Variants in SSBP2 observed in about 807,000 individuals in gnomAD.
SSBP2 encodes single-stranded DNA-binding protein 2.
A neutral mutation model predicts 61.8 loss-of-function variants in SSBP2; 17 were observed. The observed-to-expected ratio is 0.28, with a 90% CI of 0.19 to 0.41. The LOEUF (loss-of-function observed/expected upper bound fraction) is 0.41. Ranked by LOEUF, SSBP2 falls within the 10% of genes least tolerant of loss-of-function variation. The probability of loss-of-function intolerance (pLI) is 1.00; values close to 1 mark genes in which losing one functional copy is unlikely to be tolerated. For synonymous variants in SSBP2, 139 were observed against 141.3 expected, an observed-to-expected ratio of 0.98 and a Z score of 0.12; for missense variants, 310 against 458.7, an observed-to-expected ratio of 0.68 and a Z score of 2.96.
rs1363636124 is a variant in SSBP2 at position 81,721,146 on chromosome 5, T to C, written c.62+29835A>G. Among the ~76,000 whole-genome samples, 4 of 152,260 alleles carry C rather than the reference T, an allele frequency of 2.6e-5. No individual in the cohort carries two copies. In the South Asian group the frequency reaches 8.3e-4, roughly 32 times the overall value. On this transcript the variant is annotated intron_variant, in intron 1 of 16. Transcript: ENST00000320672. ...CTGTCAACTGTTAATCAAGTCTGGA[T>C]GGATACCATAAAAAATATAAACCTA...
intron 4 of SSBP2, among the ~76,000 whole-genome samples, chr5:81,587,179 G>A (rs1581098321): frequency 6.6e-6 from 1 of 152,054 alleles, no homozygotes; most frequent in Non-Finnish European, 1.5e-5. Context: ...GCAAATCACT[G>A]AATCAGGGTG....
intron 3 of SSBP2, among the ~76,000 whole-genome samples, chr5:81,631,857 TG>T (rs945604362): frequency 5.3e-4 from 80 of 152,284 alleles, no homozygotes; most frequent in African/African-American, 1.9e-3. Flanking sequence ...ATTTTACAGA[TG>T]GTAAAACTGA....
intron 1 of SSBP2, among the ~76,000 whole-genome samples, chr5:81,738,135 T>C (rs1031116323): frequency 1.3e-5 from 2 of 152,168 alleles, no homozygotes; most frequent in Admixed American, 1.3e-4. Context: ...CAAGCAAAAC[T>C]GATCTATGCT....
At chr5:81,711,652 GATA>G (rs149771598) in intron 1 of SSBP2, among the ~76,000 whole-genome samples, 12,793 of 151,254 alleles carry the variant, frequency 0.085, 594 homozygotes, top group Middle Eastern at 0.19. Flanking sequence ...AGCCTAAAGA[GATA>G]ATAAATTGTA....
chr5:81,445,830 AAGTAATAACTGAT>A (rs1763367991), intron 12 of SSBP2, among the ~76,000 whole-genome samples: 1 of 152,142 alleles, frequency 6.6e-6, no homozygotes. Flanking sequence ...AATCATCCCA[AAGTAATAACTGAT>A]AGAGTTTTAG....
chr5:81,493,477 C>T (rs959915015), intron 5 of SSBP2, among the ~76,000 whole-genome samples: 1 of 151,916 alleles, frequency 6.6e-6, no homozygotes, highest in Non-Finnish European at 1.5e-5. Context: ...AATTGCAGGC[C>T]GGACGTGGTG....
At chr5:81,750,396 C>G (rs1757665685) in intron 1 of SSBP2, among the ~76,000 whole-genome samples, 1 of 146,232 alleles carries the variant, frequency 6.8e-6, no homozygotes, top group Admixed American at 6.8e-5. Context: ...CCCGCTCGGC[C>G]GCTCCACGCC....
At chr5:81,718,872 A>G (rs1755355409) in intron 1 of SSBP2, among the ~76,000 whole-genome samples, 1 of 152,218 alleles carries the variant, frequency 6.6e-6, no homozygotes, top group Non-Finnish European at 1.5e-5. Flanking sequence ...CATGAAAAGT[A>G]GTTTGGACCA....
At chr5:81,750,551 C>A (rs1757687495) in intron 1 of SSBP2, 2 of 153,120 alleles carry the variant, frequency 1.3e-5, no homozygotes, top group African/African-American at 4.9e-5. Flanking sequence ...CCGGCCGGCC[C>A]GCCAAACACC....
rs190027065 is a variant in SSBP2 at position 81,490,426 on chromosome 5, G to A, written c.373-1117C>T. On this transcript the variant is annotated intron_variant, in intron 5 of 16. Transcript: ENST00000320672. The stretch of plus-strand genomic sequence containing the variant: ...CATCTCAACATATAATTACTTAAAC[G>A]TAAGATGTTTCTTACATGTAATATA... 5.8e-3 allele frequency among the ~76,000 whole-genome samples: 881 copies of A among 151,956 alleles called. 6 individuals are homozygous for A. Among genetic ancestry groups the A allele is most frequent in the African/African-American group, 0.02 (818 of 41,474 alleles).
At chr5:81,501,266 T>TATATATAC (rs1561475358) in intron 5 of SSBP2, among the ~76,000 whole-genome samples, 2 of 36,960 alleles carry the variant, frequency 5.4e-5, no homozygotes, top group Non-Finnish European at 9.9e-5. Flanking sequence ...TATATATATA[T>TATATATAC]ATACACACAC....
At chr5:81,648,330 T>C (rs542990702) in intron 2 of SSBP2, among the ~76,000 whole-genome samples, 1 of 152,282 alleles carries the variant, frequency 6.6e-6, no homozygotes, top group Non-Finnish European at 1.5e-5. Context: ...GAATAAACTT[T>C]TGAAATCAAA....
At chr5:81,656,709 T>C (rs1750246804) in intron 1 of SSBP2, among the ~76,000 whole-genome samples, 1 of 148,642 alleles carries the variant, frequency 6.7e-6, no homozygotes, top group African/African-American at 2.4e-5. Context: ...TGGTTACACA[T>C]GGCCTGTAAG....
chr5:81,714,923 G>A (rs1010580199), intron 1 of SSBP2, among the ~76,000 whole-genome samples: 14 of 151,586 alleles, frequency 9.2e-5, no homozygotes, highest in Non-Finnish European at 1.6e-4. Context: ...CACAGTGAAA[G>A]AACTGGATTT....
intron 1 of SSBP2, among the ~76,000 whole-genome samples, chr5:81,704,436 T>G (rs982381143): frequency 6.6e-6 from 1 of 152,124 alleles, no homozygotes; most frequent in Non-Finnish European, 1.5e-5. Flanking sequence ...CAGGCACACA[T>G]GCTCGCACAC....
Position 81,457,020 on chromosome 5 carries a change from A to G in SSBP2, c.687+4035T>C, listed in dbSNP as rs73766250. ...GGTATAGACGTGTGTGGGTGTGTAT[A>G]CACATACATATATTTCCTAGTTCTG... On this transcript the variant is annotated intron_variant, in intron 10 of 16. Transcript: ENST00000320672. Among the ~76,000 whole-genome samples the G allele has an allele frequency of 1.0e-2, 1,518 of 152,352 alleles. 26 individuals carry two copies. The highest frequency in any genetic ancestry group is 0.034 in the African/African-American group (1,434 of 41,584).
intron 2 of SSBP2, among the ~76,000 whole-genome samples, chr5:81,639,001 C>T (rs1748519701): frequency 6.6e-6 from 1 of 152,022 alleles, no homozygotes; most frequent in Admixed American, 6.6e-5. Flanking sequence ...TTCTTTCTTT[C>T]TGTTTCTTTT....
At chr5:81,666,219 C>T (rs1044248062) in intron 1 of SSBP2, among the ~76,000 whole-genome samples, 7 of 152,000 alleles carry the variant, frequency 4.6e-5, no homozygotes, top group Admixed American at 4.6e-4. Context: ...ACACTTATAA[C>T]GTATTTTTTA....
intron 5 of SSBP2, among the ~76,000 whole-genome samples, chr5:81,512,379 G>A (rs1213288064): frequency 1.3e-5 from 2 of 152,172 alleles, no homozygotes; most frequent in African/African-American, 2.4e-5. Context: ...GTGAGGATTA[G>A]AGTTTATATA....
Sources: allele counts gnomAD v4.1 joint callset (sites outside exome capture counted in the v4.1 genomes callset), GRCh38; gene constraint gnomAD v4.1.1; transcripts MANE v1.5; gene names NCBI Gene and HGNC (gene_info 2026-07-23, HGNC 2026-07-21).